The following RBFOX1 variants were observed in gnomAD, a reference collection of about 807,000 sequenced individuals.
RBFOX1 encodes RNA binding fox-1 homolog 1.
RBFOX1 carries 8 observed loss-of-function variants against 57.7 expected under a neutral mutation model. The observed-to-expected ratio is 0.14, with a 90% CI of 0.08 to 0.25. The LOEUF (loss-of-function observed/expected upper bound fraction) is 0.25, where lower values mean the gene tolerates loss of function less well. RBFOX1 is among the 10% of genes least tolerant of loss of function. The pLI, the probability that RBFOX1 is intolerant of heterozygous loss-of-function variation, is 1.00. For missense variants in RBFOX1, 611 were observed against 548.5 expected, an observed-to-expected ratio of 1.11 and a Z score of -1.14; for synonymous variants, 326 against 222.4, an observed-to-expected ratio of 1.47 and a Z score of -4.15.
At position 7,409,731 on chromosome 16, in the gene RBFOX1, T is replaced by C. The variant is rs544415805; in HGVS notation, c.28-108416T>C. On this transcript the variant is annotated intron_variant, in intron 4 of 15. Transcript: ENST00000550418. ...CCTTGATTTCGTTGGAAGTTAGATTTTCTAGAAAAATTCATGAAACTTCAA... is the reference window on the plus strand; with the variant it reads ...CCTTGATTTCGTTGGAAGTTAGATTCTCTAGAAAAATTCATGAAACTTCAA... Among the ~76,000 whole-genome samples the C allele has an allele frequency of 1.5e-3, 222 of 152,316 alleles. 1 individual carries two copies. The highest frequency in any genetic ancestry group is 2.7e-3 in the Non-Finnish European group (185 of 68,038).
chr16:5,656,126 T>C (rs907149981), intron 3 of RBFOX1, among the ~76,000 whole-genome samples: 2 of 152,200 alleles, frequency 1.3e-5, no homozygotes, highest in African/African-American at 4.8e-5. Flanking sequence ...CTTGAATGAT[T>C]TGGGGCTTAG....
rs1241118584 is a variant in RBFOX1, at chr16:6,335,797, AAAAAG to A, written c.-64+18760_-64+18764del. Among the ~76,000 whole-genome samples, 108 of 149,738 alleles carry A rather than the reference AAAAAG, an allele frequency of 7.2e-4. 1 individual carries two copies. The South Asian group carries it at 7.9e-3, about 11-fold the overall frequency. ...TCTCCAAAAAAAAAAAAAAGAAAAA[AAAAAG>A]AAAAGAAAAGAAAAGAAAAAATAAA... On this transcript the variant is annotated intron_variant, in intron 2 of 15. Transcript: ENST00000550418.
chr16:6,075,816 C>T (rs61135738), intron 1 of RBFOX1, among the ~76,000 whole-genome samples: 1 of 152,312 alleles, frequency 6.6e-6, no homozygotes, highest in African/African-American at 2.4e-5. Context: ...CTGTAACTAT[C>T]TCAAATCAAG....
intron 4 of RBFOX1, among the ~76,000 whole-genome samples, chr16:5,875,756 G>A (rs1413884378): frequency 6.6e-6 from 1 of 152,126 alleles, no homozygotes; most frequent in East Asian, 1.9e-4. Flanking sequence ...CTCTGGAAAA[G>A]TGAACCGTTG....
Position 5,679,205 on chromosome 16 carries a change from C to T in RBFOX1, c.318+80244C>T, listed in dbSNP as rs532769486. ...TGTGATCTTTTCTGCAAGGGCGCAT[C>T]TTCATTTAATCCAACCAGGAGTTTT... On this transcript the variant is annotated intron_variant, in intron 3 of 19. Transcript: ENST00000641259. 4.6e-5 allele frequency among the ~76,000 whole-genome samples: 7 copies of T among 152,302 alleles called. No homozygotes were observed. The South Asian group carries it at 1.2e-3, about 27-fold the overall frequency.
intron 2 of RBFOX1, among the ~76,000 whole-genome samples, chr16:6,580,706 C>T (rs2097525067): frequency 6.6e-6 from 1 of 152,116 alleles, no homozygotes; most frequent in African/African-American, 2.4e-5. Context: ...ATTCTCCTTA[C>T]CTTTCTAGAG....
chr16:6,009,816 C>CTGTGTGTGTGTGTGTGTGTGTATGTGTG (rs148472437), intron 4 of RBFOX1, among the ~76,000 whole-genome samples: 7 of 148,418 alleles, frequency 4.7e-5, no homozygotes, highest in African/African-American at 1.8e-4. Flanking sequence ...GTGTGTGTGT[C>CTGTGTGTGTGTGTGTGTGTGTATGTGTG]TGTGTGTGTG....
intron 2 of RBFOX1, among the ~76,000 whole-genome samples, chr16:5,595,841 G>C (rs9921960): frequency 6.6e-6 from 1 of 152,112 alleles, no homozygotes; most frequent in South Asian, 2.1e-4. Context: ...ATAGCACAGG[G>C]ACTGCGTTAA....
At chr16:7,110,596 A>T (rs1251160927) in intron 4 of RBFOX1, among the ~76,000 whole-genome samples, 1 of 152,182 alleles carries the variant, frequency 6.6e-6, no homozygotes, top group Non-Finnish European at 1.5e-5. Context: ...GGGCACGAAG[A>T]TTAGTGTAGT....
At chr16:7,035,469 G>T (rs1281588862) in intron 3 of RBFOX1, among the ~76,000 whole-genome samples, 1 of 152,186 alleles carries the variant, frequency 6.6e-6, no homozygotes, top group East Asian at 1.9e-4. Flanking sequence ...GTACAGATAA[G>T]ACTTCCCCTG....
chr16:6,519,550 A>G (rs1338999708), intron 2 of RBFOX1, among the ~76,000 whole-genome samples: 1 of 151,940 alleles, frequency 6.6e-6, no homozygotes, highest in African/African-American at 2.4e-5. Context: ...AAAATACAAA[A>G]ATTAGCCAGG....
chr16:7,175,493 C>G (rs1174476912), intron 4 of RBFOX1, among the ~76,000 whole-genome samples: 2 of 152,142 alleles, frequency 1.3e-5, no homozygotes, highest in Non-Finnish European at 2.9e-5. Flanking sequence ...CTGAGACTTT[C>G]GCTGCCTGGT....
intron 3 of RBFOX1, among the ~76,000 whole-genome samples, chr16:5,710,248 G>A (rs1201540772): frequency 6.6e-6 from 1 of 152,150 alleles, no homozygotes; most frequent in African/African-American, 2.4e-5. Context: ...AGCTAATTGT[G>A]GATCAGGTAA....
intron 4 of RBFOX1, among the ~76,000 whole-genome samples, chr16:7,123,387 C>T (rs989780638): frequency 1.8e-4 from 27 of 152,120 alleles, no homozygotes; most frequent in Admixed American, 5.2e-4. Flanking sequence ...TTTTTTGAGA[C>T]AGCGGCTTCC....
At chr16:7,524,373 T>C (rs1227663672) in intron 5 of RBFOX1, among the ~76,000 whole-genome samples, 3 of 152,148 alleles carry the variant, frequency 2.0e-5, no homozygotes, top group African/African-American at 4.8e-5. Flanking sequence ...CCTGCAGGCC[T>C]TTTTTTCTGC....
At chr16:7,058,415 A>G (rs1018486462) in intron 4 of RBFOX1, among the ~76,000 whole-genome samples, 2 of 152,306 alleles carry the variant, frequency 1.3e-5, no homozygotes, top group African/African-American at 2.4e-5. Flanking sequence ...TGCAAAATAC[A>G]CTATTAAGAA....
intron 1 of RBFOX1, among the ~76,000 whole-genome samples, chr16:5,434,876 G>A (rs2067868922): frequency 6.8e-6 from 1 of 147,252 alleles, no homozygotes; most frequent in African/African-American, 2.5e-5. Flanking sequence ...GCTTTACATA[G>A]CATGTCTTGA....
chr16:7,575,556 T>C (rs918322690), intron 5 of RBFOX1, among the ~76,000 whole-genome samples: 1 of 152,154 alleles, frequency 6.6e-6, no homozygotes, highest in African/African-American at 2.4e-5. Flanking sequence ...AAGGAACACC[T>C]GCAGCCAACA....
chr16:6,012,907 TAAC>T (rs1265875726), intron 4 of RBFOX1, among the ~76,000 whole-genome samples: 1 of 152,218 alleles, frequency 6.6e-6, no homozygotes, highest in African/African-American at 2.4e-5. Context: ...TAAAATGTGA[TAAC>T]AATCTTCTAG....
Sources: gnomAD v4.1 joint callset for allele counts (sites outside exome capture counted in the v4.1 genomes callset) on GRCh38, gnomAD v4.1.1 for gene constraint, MANE v1.5 for transcripts, NCBI Gene and HGNC (gene_info 2026-07-23, HGNC 2026-07-21) for gene names.